SLC25A29: variants seen among roughly 807,000 people sequenced by gnomAD.
SLC25A29 encodes the protein solute carrier family 25 member 29.
In SLC25A29, 13 loss-of-function variants were observed where a neutral mutation model predicts 10.0. The observed-to-expected ratio is 1.30, with a 90% CI of 0.85 to 2.07. The LOEUF (loss-of-function observed/expected upper bound fraction) is 2.07. Ranked by LOEUF, SLC25A29 falls within the 30% of genes most tolerant of loss-of-function variation. The pLI is 0.00. For synonymous variants in SLC25A29, 244 were observed against 221.1 expected, an observed-to-expected ratio of 1.10 and a Z score of -0.92; for missense variants, 475 against 447.6, an observed-to-expected ratio of 1.06 and a Z score of -0.55.
Position 100,296,096 on chromosome 14 carries a change from C to T in SLC25A29, c.79-2719G>A, listed in dbSNP as rs1266901487. The T allele has an allele frequency of 2.7e-6, 3 of 1,131,024 alleles. No individual in the cohort carries two copies. The African/African-American group carries it at 4.8e-5, about 18-fold the overall frequency. The allele number at this position is 1,131,024 out of a possible 1,614,324, so 70.1% of individuals were successfully genotyped here. A position where few individuals can be genotyped will look rare whatever the true frequency, so the allele number is the denominator to read the frequency against. On this transcript the variant is annotated intron_variant, in intron 2 of 3. Coordinates refer to ENST00000359232, the MANE Select transcript of SLC25A29 (RefSeq NM_001039355.3). ...GGTGGCCCCTGATGATCCTAGGGTACAGCTGCAATTATATTCAACCAGGCA... is the reference window on the plus strand; with the variant it reads ...GGTGGCCCCTGATGATCCTAGGGTATAGCTGCAATTATATTCAACCAGGCA...
chr14:100,292,875 C>T lies in SLC25A29; in HGVS notation c.320G>A (p.Cys107Tyr), dbSNP rs748957838. Residue 107 changes from cysteine to tyrosine, a missense_variant, in exon 4 of 4, where the codon TGC (cysteine) becomes TAC (tyrosine). By Grantham distance (194) the Cys-to-Tyr change is radical. Transcript: ENST00000359232. ...LAGAAAGAIQ[C>Y]VICCPMELAK... Reference sequence around the variant, plus strand: ...CAGCTCCATGGGGCAGCAGATGACGCACTGGATGGCGCCCGCCGCCGCACC... The same window carrying T: ...CAGCTCCATGGGGCAGCAGATGACGTACTGGATGGCGCCCGCCGCCGCACC... The T allele has an allele frequency of 2.5e-6, 4 of 1,601,678 alleles. 1 individual carries two copies. In the South Asian group the frequency reaches 3.3e-5, roughly 13 times the overall value.
chr14:100,299,877 C>T (rs1452593118), intron 1 of SLC25A29: 6 of 985,462 alleles, frequency 6.1e-6, no homozygotes, highest in South Asian at 9.4e-5. Flanking sequence ...ACTAACATTA[C>T]GACCCATTCT....
intron 2 of SLC25A29, 144 bp downstream of exon 2, chr14:100,298,698 C>A: frequency 2.0e-6 from 2 of 1,002,240 alleles, no homozygotes; most frequent in Non-Finnish European, 3.2e-6. Context: ...CAGGACAAAG[C>A]AGTGAGGAAG....
chr14:100,286,839 G>A (rs960671579), downstream of SLC25A29, among the ~76,000 whole-genome samples: 3 of 152,226 alleles, frequency 2.0e-5, no homozygotes, highest in African/African-American at 4.8e-5. Flanking sequence ...CCGCTCCAGG[G>A]TTGCCTGGCC....
the SLC25A29 span, chr14:100,278,776 T>C: frequency 1.3e-5 from 2 of 152,278 alleles, no homozygotes; most frequent in African/African-American, 4.8e-5. Context: ...GAGTGAAGCA[T>C]CTGTACCACC....
chr14:100,299,027 C>A, intron 1 of SLC25A29, 142 bp from the exon 2 acceptor site: 1 of 1,465,166 alleles, frequency 6.8e-7, no homozygotes. Context: ...GTGGGTGCAG[C>A]AGGCAGATCC....
chr14:100,289,251 G>A (rs117221891), downstream of SLC25A29, among the ~76,000 whole-genome samples: 1,533 of 152,266 alleles, frequency 0.01, 15 homozygotes, highest in Middle Eastern at 0.034. Context: ...GTTTTGTTAC[G>A]GCAGCCCTAG....
In SLC25A29 at chr14:100,302,050, CTT is replaced by C. The variant is rs34185759; in HGVS notation, c.35-3167_35-3166del. 6.3e-3 allele frequency among the ~76,000 whole-genome samples: 913 copies of C among 146,036 alleles called. 6 individuals carry two copies. The highest frequency in any genetic ancestry group is 0.021 in the African/African-American group (828 of 40,014). On this transcript the variant is annotated intron_variant, in intron 1 of 3. Coordinates refer to ENST00000359232, the MANE Select transcript of SLC25A29 (RefSeq NM_001039355.3). The stretch of plus-strand genomic sequence containing the variant: ...CAACTGCCATTTCATTAGAGCCTTT[CTT>C]TTTTTTTTTTTGAGACAGAGTCTCA...
chr14:100,283,354 T>C, the SLC25A29 span, among the ~76,000 whole-genome samples: 6,467 of 152,208 alleles, frequency 0.042, 217 homozygotes, highest in Non-Finnish European at 0.063. Context: ...AGAATGCTAC[T>C]GAGGTGGCAA....
chr14:100,299,154 C>T (rs548226570), intron 1 of SLC25A29: 235 of 1,351,368 alleles, frequency 1.7e-4, no homozygotes, highest in Non-Finnish European at 2.2e-4. Context: ...CTGCTCTCCG[C>T]GGCTGACTGG....
rs1210450216 is a variant in SLC25A29 at position 100,296,238 on chromosome 14, C to T, written c.78+2604G>A. ...CAGTAGTTTGAGACCAGCTGGGCAA[C>T]ATATCAAGACCCCATCTCTACTAAT... On this transcript the variant is annotated intron_variant, in intron 2 of 3. Transcript: ENST00000359232. 3 of 343,248 alleles carry T rather than the reference C, an allele frequency of 8.7e-6. No individual in the cohort carries two copies. In the Admixed American group the frequency reaches 1.2e-4, roughly 13 times the overall value. 21.3% of individuals were successfully genotyped at this position (343,248 alleles called of 1,614,324 possible).
At chr14:100,299,149 C>T in intron 1 of SLC25A29, 15 of 1,362,644 alleles carry the variant, frequency 1.1e-5, no homozygotes, top group Non-Finnish European at 1.4e-5. Context: ...GGCTGCTGCT[C>T]TCCGCGGCTG....
Position 100,291,843 on chromosome 14 carries a change from C to T in SLC25A29, c.*440G>A, listed in dbSNP as rs1229632970. 9 of 242,296 alleles carry T rather than the reference C, an allele frequency of 3.7e-5. No homozygotes were observed. The Admixed American group carries it at 4.3e-4, about 12-fold the overall frequency. 15.0% of individuals were successfully genotyped at this position (242,296 alleles called of 1,614,324 possible). On this transcript the variant is annotated 3_prime_UTR_variant, in exon 4 of 4. Coordinates refer to ENST00000359232, the MANE Select transcript of SLC25A29 (RefSeq NM_001039355.3). ...GACCAGAGGGGTGGCCCACCACCCCCCCGGGTGGAGGATGTGTGGAGTTAG... is the reference window on the plus strand; with the variant it reads ...GACCAGAGGGGTGGCCCACCACCCCTCCGGGTGGAGGATGTGTGGAGTTAG...
At chr14:100,288,294 A>G (rs1395883185), downstream of SLC25A29, among the ~76,000 whole-genome samples, 1 of 147,116 alleles carries the variant, frequency 6.8e-6, no homozygotes, top group African/African-American at 2.5e-5. Flanking sequence ...AGGCAGGAGA[A>G]TCACTTGAAC....
In SLC25A29 at chr14:100,306,203, CG is replaced by C; in HGVS notation, c.29del (p.Ala10GlyfsTer337). 6.6e-7 allele frequency: 1 copy of C among 1,510,080 alleles called. No homozygotes were observed. Among genetic ancestry groups the C allele is most frequent in the Non-Finnish European group, 8.8e-7 (1 of 1,136,740 alleles). The allele number at this position is 1,510,080 out of a possible 1,614,324, so 93.5% of individuals were successfully genotyped here. A position where few individuals can be genotyped will look rare whatever the true frequency, so the allele number is the denominator to read the frequency against. On this transcript the variant is annotated frameshift_variant, in exon 1 of 4. Coordinates refer to ENST00000359232, the MANE Select transcript of SLC25A29 (RefSeq NM_001039355.3). LOFTEE classifies it high-confidence loss of function. Reference protein sequence around the residue: MALDFLAGCAGGVAGVLVGH... With the variant: MALDFLAGCXGGVAGVLVGH... Reference sequence around the variant, plus strand: ...CCCGGCCCGCCGCCTCCTTACCCCCCGCGCATCCAGCCAAGAAGTCCAGCGC... The same window carrying C: ...CCCGGCCCGCCGCCTCCTTACCCCCCCGCATCCAGCCAAGAAGTCCAGCGC...
intron 1 of SLC25A29, chr14:100,299,900 T>C: frequency 2.0e-6 from 2 of 985,462 alleles, no homozygotes; most frequent in Middle Eastern, 5.2e-4. Context: ...CTCTTCCACT[T>C]GATGCCTGTG....
chr14:100,297,311 G>A (rs905747624), intron 2 of SLC25A29, among the ~76,000 whole-genome samples: 1 of 152,186 alleles, frequency 6.6e-6, no homozygotes. Flanking sequence ...GTCACTTCAG[G>A]GGTGCTGCTC....
chr14:100,281,431 T>C, the SLC25A29 span: 1 of 152,136 alleles, frequency 6.6e-6, no homozygotes, highest in African/African-American at 2.4e-5. Flanking sequence ...GACCCTCGGC[T>C]GTAGGGGGCA....
At chr14:100,296,180 T>C in intron 2 of SLC25A29, 1 of 468,302 alleles carries the variant, frequency 2.1e-6, no homozygotes. Context: ...TCCCAGCACT[T>C]TGGGAGGCCA....
Sources: gnomAD v4.1 joint callset for allele counts (sites outside exome capture counted in the v4.1 genomes callset) on GRCh38, gnomAD v4.1.1 for gene constraint, MANE v1.5 for transcripts, NCBI Gene and HGNC (gene_info 2026-07-23, HGNC 2026-07-21) for gene names.